Variants in ITFG1 observed in about 807,000 individuals in gnomAD.
ITFG1 encodes T-cell immunomodulatory protein.
A neutral mutation model predicts 81.8 loss-of-function variants in ITFG1; 34 were observed. The observed-to-expected ratio is 0.42, with a 90% CI of 0.32 to 0.55. ITFG1 has a LOEUF of 0.55. ITFG1 is among the 20% of genes least tolerant of loss of function. The pLI, the probability that ITFG1 is intolerant of heterozygous loss-of-function variation, is 0.17. For synonymous variants in ITFG1, 285 were observed against 270.6 expected, an observed-to-expected ratio of 1.05 and a Z score of -0.52; for missense variants, 672 against 755.4, an observed-to-expected ratio of 0.89 and a Z score of 1.29.
chr16:47,208,644 A>G (rs1965529629), intron 14 of ITFG1, among the ~76,000 whole-genome samples: 1 of 152,236 alleles, frequency 6.6e-6, no homozygotes, highest in South Asian at 2.1e-4. Flanking sequence ...GGTGGTAATC[A>G]ATAAAACTTC....
At chr16:47,416,569 G>C (rs1013750179) in intron 6 of ITFG1, among the ~76,000 whole-genome samples, 1 of 152,212 alleles carries the variant, frequency 6.6e-6, no homozygotes, top group African/African-American at 2.4e-5. Flanking sequence ...ATCTATCTGG[G>C]TAATGGGAGT....
intron 16 of ITFG1, among the ~76,000 whole-genome samples, chr16:47,160,185 G>T (rs1964780853): frequency 7.2e-6 from 1 of 139,438 alleles, no homozygotes; most frequent in African/African-American, 2.7e-5. Context: ...TAAGTGTTTT[G>T]GTAAAAAAAA....
intron 14 of ITFG1, among the ~76,000 whole-genome samples, chr16:47,189,831 G>T (rs1281528504): frequency 6.6e-6 from 1 of 152,158 alleles, no homozygotes; most frequent in Non-Finnish European, 1.5e-5. Context: ...TCTAATGAAG[G>T]AATGGTAAAA....
intron 8 of ITFG1, among the ~76,000 whole-genome samples, chr16:47,353,373 A>C (rs1967993437): frequency 6.6e-6 from 1 of 152,202 alleles, no homozygotes; most frequent in South Asian, 2.1e-4. Context: ...ACCTCTCAAC[A>C]GATTAGGTAT....
intron 11 of ITFG1, among the ~76,000 whole-genome samples, chr16:47,260,227 G>A (rs1173449815): frequency 2.6e-5 from 4 of 151,942 alleles, no homozygotes; most frequent in East Asian, 3.9e-4. Context: ...GTGAGCCACC[G>A]CGCCCGGCCT....
At chr16:47,330,171 T>C (rs536577532) in intron 8 of ITFG1, among the ~76,000 whole-genome samples, 3 of 151,992 alleles carry the variant, frequency 2.0e-5, no homozygotes, top group South Asian at 2.1e-4. Flanking sequence ...TTTGACAAAG[T>C]TGAGAAAAAT....
At chr16:47,442,523 A>G (rs1283438103) in intron 5 of ITFG1, among the ~76,000 whole-genome samples, 3 of 152,210 alleles carry the variant, frequency 2.0e-5, no homozygotes, top group Non-Finnish European at 4.4e-5. Flanking sequence ...ACAGTAACCA[A>G]AACAGCATGG....
At chr16:47,270,983 T>C (rs1244314133) in intron 10 of ITFG1, among the ~76,000 whole-genome samples, 1 of 152,170 alleles carries the variant, frequency 6.6e-6, no homozygotes, top group African/African-American at 2.4e-5. Context: ...GTGGTGATAT[T>C]TTATAGATGC....
chr16:47,390,355 T>C (rs757416329), intron 6 of ITFG1, among the ~76,000 whole-genome samples: 1 of 152,210 alleles, frequency 6.6e-6, no homozygotes, highest in East Asian at 1.9e-4. Context: ...GAGTTCTGTA[T>C]GTGAAATCAA....
chr16:47,191,756 G>C (rs570243922), intron 14 of ITFG1, among the ~76,000 whole-genome samples: 1 of 152,132 alleles, frequency 6.6e-6, no homozygotes, highest in Non-Finnish European at 1.5e-5. Context: ...GGTGAGGCCA[G>C]AGGTCACTTT....
chr16:47,261,122 T>C (rs1027119986), intron 10 of ITFG1, among the ~76,000 whole-genome samples: 2 of 152,216 alleles, frequency 1.3e-5, no homozygotes, highest in Non-Finnish European at 2.9e-5. Context: ...GCTGCTCTCA[T>C]AGGTGGTAGG....
At chr16:47,393,663 G>A (rs1968560051) in intron 6 of ITFG1, among the ~76,000 whole-genome samples, 1 of 152,012 alleles carries the variant, frequency 6.6e-6, no homozygotes, top group Non-Finnish European at 1.5e-5. Context: ...CTCAGGAGGT[G>A]GAGGTTGCAG....
chr16:47,330,757 C>A (rs576437968), intron 8 of ITFG1, among the ~76,000 whole-genome samples: 1 of 152,004 alleles, frequency 6.6e-6, no homozygotes, highest in Non-Finnish European at 1.5e-5. Flanking sequence ...AAATGCAAAT[C>A]AAAACCACAA....
At chr16:47,459,479 A>T (rs1969495147) in intron 1 of ITFG1, among the ~76,000 whole-genome samples, 1 of 152,254 alleles carries the variant, frequency 6.6e-6, no homozygotes, top group Non-Finnish European at 1.5e-5. Flanking sequence ...AGAACCATAT[A>T]AAGATGCCTT....
In ITFG1 at chr16:47,442,483, C is replaced by T. The variant is rs565936925; in HGVS notation, c.560+8913G>A. 6.7e-3 allele frequency among the ~76,000 whole-genome samples: 1,019 copies of T among 152,292 alleles called. 7 individuals are homozygous for T. The highest frequency in any genetic ancestry group is 0.012 in the Non-Finnish European group (791 of 68,022). ...AAAGAACAAAGCTGGAGGCATCACG[C>T]TACCTGACTTCAAACTATACTACAA... On this transcript the variant is annotated intron_variant, in intron 5 of 17. Coordinates refer to ENST00000320640, the MANE Select transcript of ITFG1 (RefSeq NM_030790.5).
intron 12 of ITFG1, among the ~76,000 whole-genome samples, chr16:47,250,235 T>TA (rs1234557872): frequency 6.6e-6 from 1 of 152,116 alleles, no homozygotes; most frequent in Non-Finnish European, 1.5e-5. Context: ...TTAATTATTT[T>TA]ATTAAATTGT....
At chr16:47,456,010 ATAGAGGCCTC>A (rs892600225) in intron 2 of ITFG1, among the ~76,000 whole-genome samples, 1 of 152,116 alleles carries the variant, frequency 6.6e-6, no homozygotes, top group African/African-American at 2.4e-5. Context: ...GCTCCCAAGG[ATAGAGGCCTC>A]TAGCTTGAAA....
intron 13 of ITFG1, among the ~76,000 whole-genome samples, chr16:47,222,402 T>G (rs1965702769): frequency 6.6e-6 from 1 of 150,972 alleles, no homozygotes; most frequent in Non-Finnish European, 1.5e-5. Flanking sequence ...TGGTTTTGAG[T>G]GAGTTTCTTT....
intron 10 of ITFG1, among the ~76,000 whole-genome samples, chr16:47,308,721 G>C (rs1271104889): frequency 1.3e-5 from 2 of 152,072 alleles, no homozygotes; most frequent in Non-Finnish European, 2.9e-5. Flanking sequence ...CATTTAATAG[G>C]CTTGGGATGT....
Sources: allele counts gnomAD v4.1 joint callset (sites outside exome capture counted in the v4.1 genomes callset), GRCh38; gene constraint gnomAD v4.1.1; transcripts MANE v1.5; gene names NCBI Gene and HGNC (gene_info 2026-07-23, HGNC 2026-07-21).